The following DNAH2 variants were observed in gnomAD, a reference collection of about 807,000 sequenced individuals.
DNAH2 encodes axonemal beta dynein heavy chain 2.
In DNAH2, 323 loss-of-function variants were observed where a neutral mutation model predicts 523.5. The ratio of observed to expected loss-of-function variants is 0.62; its 90% CI spans 0.56 to 0.68. The LOEUF is 0.68. DNAH2 is among the 30% of genes least tolerant of loss of function. The pLI, the probability that DNAH2 is intolerant of heterozygous loss-of-function variation, is 0.00. For synonymous variants in DNAH2, 2,093 were observed against 2,177.4 expected (o/e 0.96, Z 1.08); for missense variants, 4,907 against 5,701.5 (o/e 0.86, Z 4.49).
At chr17:7,794,488 C>A (rs141682032) in intron 49 of DNAH2, 130 bp downstream of exon 49, 2 of 735,418 alleles carry the variant, frequency 2.7e-6, no homozygotes, top group Admixed American at 3.4e-5. Context: ...GACGCTGGGA[C>A]GATCCGTAAG....
rs756105951 is a variant in DNAH2, at chr17:7,768,013, G to A, written c.3789G>A (p.Thr1263=). ...LILQTETMET[T]AHGLFRRLTK... The stretch of plus-strand genomic sequence containing the variant: ...TGCAGACGGAAACCATGGAGACCAC[G>A]GCCCACGGGCTGTTTCGTCGCCTCA... Residue 1263 remains threonine (T), a synonymous_variant, in exon 23 of 86, where the codon ACG becomes ACA. Transcript: ENST00000572933. 26 of 1,614,004 alleles carry A rather than the reference G, an allele frequency of 1.6e-5. No homozygotes were observed. Among genetic ancestry groups the A allele is most frequent in the Non-Finnish European group, 1.7e-5 (20 of 1,180,034 alleles).
Position 7,786,701 on chromosome 17 carries a change from C to A in DNAH2, c.6466+14C>A. Reference sequence around the variant, plus strand: ...CGGCATGTGCAGGTATCCAGAGGATCGTGGGGTGTGGAGAGCAGACGCCTG... The same window carrying A: ...CGGCATGTGCAGGTATCCAGAGGATAGTGGGGTGTGGAGAGCAGACGCCTG... On this transcript the variant is annotated intron_variant, in intron 41 of 85. Transcript: ENST00000572933. The surrounding 1 kb of genome is among the most constrained non-coding windows in gnomAD (Gnocchi z 7.5). The A allele has an allele frequency of 1.2e-6, 2 of 1,612,960 alleles. No homozygotes were observed. The highest frequency in any genetic ancestry group is 2.2e-5 in the South Asian group (2 of 90,990).
rs890281625 is a variant in DNAH2 at position 7,786,285 on chromosome 17, A to G, written c.6291A>G (p.Leu2097=). 1.1e-5 allele frequency: 18 copies of G among 1,613,956 alleles called. No individual in the cohort carries two copies. In the Admixed American group the frequency reaches 1.3e-4, roughly 12 times the overall value. ...GCAAGACTGCCTCATGGCGCATTCT[A>G]CAGGCCTCCCTGTCCTCTCTGTGCC... ...GSGKTASWRI[L]QASLSSLCRA... Residue 2097 remains leucine, a synonymous_variant, in exon 40 of 86, where the codon CTA becomes CTG. Coordinates refer to ENST00000572933, the MANE Select transcript of DNAH2 (RefSeq NM_020877.5). The surrounding 1 kb of genome is among the most constrained non-coding windows in gnomAD (Gnocchi z 7.5).
chr17:7,821,320 C>T lies in DNAH2; in HGVS notation c.11093C>T (p.Ser3698Phe), dbSNP rs780376554. The part of the protein sequence containing the change: ...FHMCAKILET[S>F]GKLNMDEYNF... ...ATGTGTGCCAAAATCTTGGAGACTTCTGGCAAGCTCAACATGGATGAATAC... is the reference window on the plus strand; with the variant it reads ...ATGTGTGCCAAAATCTTGGAGACTTTTGGCAAGCTCAACATGGATGAATAC... The change falls in exon 73 of 86, where the codon TCT becomes TTT. Residue 3698 changes from serine to phenylalanine, a missense_variant. Coordinates refer to ENST00000572933, the MANE Select transcript of DNAH2 (RefSeq NM_020877.5). This position sits in a 1 kb window ranked among gnomAD's most constrained non-coding sequence, Gnocchi z 5.0. 53 of 1,613,964 alleles carry T rather than the reference C, an allele frequency of 3.3e-5. No individual in the cohort carries two copies. In the Middle Eastern group the frequency reaches 5.0e-4, roughly 15 times the overall value.
At chr17:7,778,726 G>A (rs974709672) in intron 35 of DNAH2, among the ~76,000 whole-genome samples, 4 of 152,068 alleles carry the variant, frequency 2.6e-5, no homozygotes, top group Admixed American at 2.6e-4. Flanking sequence ...GTGACACCAA[G>A]CCCGGAGAAT....
chr17:7,764,075 C>G, intron 19 of DNAH2, 42 bp from the exon 20 acceptor site: 1 of 1,614,202 alleles, frequency 6.2e-7, no homozygotes, highest in Non-Finnish European at 8.5e-7. Context: ...GGGGCAGGCA[C>G]TGGGCCTTCC....
chr17:7,759,645 A>G, intron 16 of DNAH2, 35 bp downstream of exon 16: 7 of 1,604,332 alleles, frequency 4.4e-6, no homozygotes, highest in Non-Finnish European at 6.0e-6. Context: ...TCTCAAAACC[A>G]TTGCATCTTA....
rs574274114 is a variant in DNAH2 at position 7,802,638 on chromosome 17, C to T, written c.8972+621C>T. ...TAATGACAAGAAGAAAAAGTCTGTA[C>T]ATGTTCAGTGCAGATGCAAATTTTT... On this transcript the variant is annotated intron_variant, in intron 58 of 85. Transcript: ENST00000572933. Among the ~76,000 whole-genome samples, 140 of 152,160 alleles carry T rather than the reference C, an allele frequency of 9.2e-4. 2 individuals carry two copies. The highest frequency in any genetic ancestry group is 2.6e-3 in the Admixed American group (39 of 15,282).
rs754503715 is a variant in DNAH2, at chr17:7,824,611, C to G, written c.11737C>G (p.Leu3913Val). ...MPNLDKLVEQ[L>V]QVEDPHPSFR... is the part of the protein sequence containing the mutation. ...TAATCTGGACAAGCTGGTGGAGCAG[C>G]TGCAGGTGGAGGATCCTCATCCATC... is the stretch of plus-strand genomic sequence containing the variant. The change falls in exon 77 of 86, where the codon CTG (leucine) becomes GTG (valine). Residue 3913 changes from leucine (L) to valine (V), a missense_variant. Around this residue, in one of 3 missense-constraint regions of DNAH2, gnomAD observed 1,851 missense variants for 2,139.4 expected, o/e 0.87. Coordinates refer to ENST00000572933, the MANE Select transcript of DNAH2 (RefSeq NM_020877.5). 6 of 1,608,334 alleles carry G rather than the reference C, an allele frequency of 3.7e-6. No homozygotes were observed. In the Admixed American group the frequency reaches 1.0e-4, roughly 27 times the overall value.
chr17:7,818,234 C>T (rs2077739923), intron 68 of DNAH2, 78 bp from the exon 69 acceptor site: 1 of 1,598,626 alleles, frequency 6.3e-7, no homozygotes, highest in Non-Finnish European at 8.5e-7. Context: ...GAGTCGCTGC[C>T]CCTGGATGCC....
Position 7,787,945 on chromosome 17 carries a change from C to T in DNAH2, c.6689C>T (p.Ala2230Val). The T allele has an allele frequency of 2.5e-6, 4 of 1,614,204 alleles. No homozygotes were observed. Among genetic ancestry groups the T allele is most frequent in the Non-Finnish European group, 3.4e-6 (4 of 1,180,038 alleles). The part of the protein sequence containing the change: ...SRCGMVYTDY[A>V]DLGWKPYVQS... ...TGCGGGATGGTCTACACTGACTACG[C>T]TGACCTGGGCTGGAAGCCCTATGTT... The change falls in exon 43 of 86, where the codon GCT (alanine) becomes GTT (valine). Residue 2230 changes from alanine to valine, a missense_variant. Ala to Val is a moderately conservative substitution (Grantham distance 64). Transcript: ENST00000572933.
At chr17:7,808,647 T>C (rs1224880253) in intron 63 of DNAH2, among the ~76,000 whole-genome samples, 2 of 152,104 alleles carry the variant, frequency 1.3e-5, no homozygotes, top group Non-Finnish European at 2.9e-5. Flanking sequence ...GATATTACTG[T>C]CACCCAGGCT....
chr17:7,758,970 G>T lies in DNAH2; in HGVS notation c.2294G>T (p.Arg765Leu), dbSNP rs1351544035. Residue 765 changes from arginine (R) to leucine (L), a missense_variant, in exon 15 of 86, where the codon CGC (arginine) becomes CTC (leucine). Physicochemically the swap from Arg to Leu is moderately radical, Grantham distance 102. Transcript: ENST00000572933. ...AQEMSEKLLV[R>L]ISGKRVYRDL... is the part of the protein sequence containing the mutation. ...GAGATGTCAGAGAAGCTGCTGGTAC[G>T]CATTAGTGGCAAACGGGTATACAGG... 1.2e-6 allele frequency: 2 copies of T among 1,614,192 alleles called. No homozygotes were observed. The highest frequency in any genetic ancestry group is 1.1e-5 in the South Asian group (1 of 91,082).
rs1195763413 is a variant in DNAH2 at position 7,781,150 on chromosome 17, G to T, written c.6112G>T (p.Val2038Phe). The T allele has an allele frequency of 1.9e-6, 3 of 1,614,196 alleles. No homozygotes were observed. Among genetic ancestry groups the T allele is most frequent in the South Asian group, 2.2e-5 (2 of 91,078 alleles). Residue 2038 changes from valine to phenylalanine, a missense_variant, in exon 39 of 86, where the codon GTC (valine) becomes TTC (phenylalanine). Around this residue, in one of 3 missense-constraint regions of DNAH2, gnomAD observed 2,806 missense variants for 3,190.8 expected, o/e 0.88. Transcript: ENST00000572933. ...QDLFPNIELPVIDYGKLRETV... is the reference protein window; with the variant it reads ...QDLFPNIELPFIDYGKLRETV... ...TCTGTTTCCCAACATTGAGCTGCCTGTCATTGACTATGGCAAGGTATTTGT... is the reference window on the plus strand; with the variant it reads ...TCTGTTTCCCAACATTGAGCTGCCTTTCATTGACTATGGCAAGGTATTTGT...
At chr17:7,737,878 G>A (rs2075186632) in intron 8 of DNAH2, 6 of 678,474 alleles carry the variant, frequency 8.8e-6, no homozygotes, top group Non-Finnish European at 1.6e-5. Context: ...AGGGGGCTGA[G>A]ACATGAAGCA....
At chr17:7,767,855 A>G (rs1221315252) in intron 22 of DNAH2, 45 bp from the exon 23 acceptor site, 1 of 1,611,722 alleles carries the variant, frequency 6.2e-7, no homozygotes, top group Non-Finnish European at 8.5e-7. Flanking sequence ...TCAGGGAGGA[A>G]GAGGGCAGGT....
At chr17:7,791,316 G>A (rs931021767) in intron 44 of DNAH2, among the ~76,000 whole-genome samples, 4 of 151,360 alleles carry the variant, frequency 2.6e-5, no homozygotes, top group East Asian at 2.0e-4. Flanking sequence ...GGTGATCCAC[G>A]CGGCTCTGCC....
Position 7,787,929 on chromosome 17 carries a change from G to A in DNAH2, c.6673G>A (p.Val2225Ile). The change falls in exon 43 of 86, where the codon GTC becomes ATC. Residue 2225 changes from valine (V) to isoleucine (I), a missense_variant. Physicochemically the swap from Val to Ile is conservative, Grantham distance 29. Around this residue, in one of 3 missense-constraint regions of DNAH2, gnomAD observed 2,806 missense variants for 3,190.8 expected, o/e 0.88. Transcript: ENST00000572933. Reference sequence around the variant, plus strand: ...GGCCACTGTATCCCGCTGCGGGATGGTCTACACTGACTACGCTGACCTGGG... The same window carrying A: ...GGCCACTGTATCCCGCTGCGGGATGATCTACACTGACTACGCTGACCTGGG... Reference protein sequence around the residue: ...SPATVSRCGMVYTDYADLGWK... With the variant: ...SPATVSRCGMIYTDYADLGWK... 1.2e-6 allele frequency: 2 copies of A among 1,614,210 alleles called. No individual in the cohort carries two copies. The highest frequency in any genetic ancestry group is 1.7e-6 in the Non-Finnish European group (2 of 1,180,042).
chr17:7,762,017 T>G (rs1299944640), intron 18 of DNAH2, among the ~76,000 whole-genome samples: 2 of 152,158 alleles, frequency 1.3e-5, no homozygotes, highest in Non-Finnish European at 2.9e-5. Flanking sequence ...ACGAGAAGAC[T>G]TGGAATCGCA....
Sources: allele counts gnomAD v4.1 joint callset (sites outside exome capture counted in the v4.1 genomes callset), GRCh38; gene constraint gnomAD v4.1.1; regional missense constraint gnomAD v4.1.1; non-coding constraint Gnocchi (gnomAD v3.1); transcripts MANE v1.5; gene names NCBI Gene and HGNC (gene_info 2026-07-23, HGNC 2026-07-21).